Variants in EPM2A observed in about 807,000 individuals in gnomAD.
EPM2A encodes EPM2A glucan phosphatase, laforin, also known as laforin.
In EPM2A, 21 loss-of-function variants were observed where a neutral mutation model predicts 26.5. That is an observed-to-expected ratio of 0.79 (90% CI 0.56 to 1.14). The LOEUF is 1.14. Among genes scored for constraint, EPM2A ranks in the 50% most tolerant of loss-of-function variants. The probability of loss-of-function intolerance (pLI) is 0.00; values close to 1 mark genes in which losing one functional copy is unlikely to be tolerated. For missense variants in EPM2A, 458 were observed against 440.8 expected (o/e 1.04, Z -0.35); for synonymous variants, 217 against 177.6 (o/e 1.22, Z -1.76).
At chr6:145,735,613 G>C, upstream of EPM2A, 2 of 1,081,322 alleles carry the variant, frequency 1.8e-6, no homozygotes, top group Non-Finnish European at 2.2e-6. Flanking sequence ...CCGGGCACCG[G>C]GGAGAACACG....
At chr6:145,609,248 A>G (rs1775338892) in intron 2 of EPM2A, among the ~76,000 whole-genome samples, 1 of 152,234 alleles carries the variant, frequency 6.6e-6, no homozygotes, top group African/African-American at 2.4e-5. Flanking sequence ...AATATACCTA[A>G]TCTAACATGG....
intron 4 of EPM2A, among the ~76,000 whole-genome samples, chr6:145,453,641 CA>C: frequency 6.6e-6 from 1 of 152,316 alleles, no homozygotes; most frequent in Middle Eastern, 3.4e-3. Flanking sequence ...TTAATTCCCT[CA>C]CTGTGTCTGC....
At chr6:145,493,590 C>G (rs956646229) in intron 4 of EPM2A, among the ~76,000 whole-genome samples, 5 of 152,156 alleles carry the variant, frequency 3.3e-5, no homozygotes, top group African/African-American at 4.8e-5. Context: ...GTGCTTATAG[C>G]TTTTGCCCAT....
chr6:145,697,587 G>A (rs879787148), intron 1 of EPM2A, among the ~76,000 whole-genome samples: 9 of 152,094 alleles, frequency 5.9e-5, no homozygotes, highest in African/African-American at 1.9e-4. Flanking sequence ...CCTACGGCTC[G>A]ACCATAAAAG....
chr6:145,401,818 A>G (rs567550405), intron 4 of EPM2A, among the ~76,000 whole-genome samples: 8 of 152,254 alleles, frequency 5.3e-5, no homozygotes, highest in African/African-American at 1.9e-4. Flanking sequence ...AGCCGCCTCA[A>G]GTGGCTAAAT....
At chr6:145,573,479 G>A (rs1026922463) in intron 2 of EPM2A, among the ~76,000 whole-genome samples, 1 of 152,218 alleles carries the variant, frequency 6.6e-6, no homozygotes, top group African/African-American at 2.4e-5. Flanking sequence ...ATAATCCACT[G>A]TCGTTCTTCA....
At chr6:145,398,638 T>G (rs1176633963) in intron 4 of EPM2A, among the ~76,000 whole-genome samples, 2 of 152,002 alleles carry the variant, frequency 1.3e-5, no homozygotes, top group Non-Finnish European at 2.9e-5. Context: ...GGCGGGCAGA[T>G]CACTTGAAGT....
chr6:145,635,366 T>C lies in EPM2A; in HGVS notation c.597A>G (p.Val199=). The C allele has an allele frequency of 1.2e-6, 2 of 1,614,178 alleles. No homozygotes were observed. Among genetic ancestry groups the C allele is most frequent in the Non-Finnish European group, 1.7e-6 (2 of 1,180,022 alleles). The part of the protein sequence containing the change: ...VMNFQTEWDI[V]QNSSGCNRYP... ...AGCGGTTACAGCCTGAGGAATTCTG[T>C]ACAATATCCCATTCAGTCTGGAAAT... is the stretch of plus-strand genomic sequence containing the variant. The change falls in exon 3 of 4, where the codon GTA becomes GTG. Residue 199 remains valine, a synonymous_variant. Transcript: ENST00000367519.
chr6:145,491,183 T>C (rs1562356204), intron 4 of EPM2A: 2 of 483,166 alleles, frequency 4.1e-6, no homozygotes, highest in East Asian at 4.9e-5. Flanking sequence ...GCTTTCATAA[T>C]GAAGCAGGAA....
At chr6:145,479,753 ATTC>A (rs1182191646) in intron 4 of EPM2A, among the ~76,000 whole-genome samples, 1 of 151,976 alleles carries the variant, frequency 6.6e-6, no homozygotes. Flanking sequence ...CCTGTTTTCA[ATTC>A]TTCTGGGTAC....
At chr6:145,645,391 C>T (rs1438424403) in intron 2 of EPM2A, among the ~76,000 whole-genome samples, 1 of 152,076 alleles carries the variant, frequency 6.6e-6, no homozygotes, top group Non-Finnish European at 1.5e-5. Context: ...ACTGTAGCCT[C>T]GAATTCCTGG....
At chr6:145,446,060 A>G (rs1356465856) in intron 4 of EPM2A, among the ~76,000 whole-genome samples, 1 of 152,220 alleles carries the variant, frequency 6.6e-6, no homozygotes, top group Non-Finnish European at 1.5e-5. Flanking sequence ...TTAACAGCCC[A>G]AGCTGAGCCA....
At chr6:145,731,517 A>T (rs1172137363) in intron 1 of EPM2A, among the ~76,000 whole-genome samples, 1 of 152,202 alleles carries the variant, frequency 6.6e-6, no homozygotes, top group Non-Finnish European at 1.5e-5. Context: ...ACTAATGAGA[A>T]CACAGGAAAA....
intron 2 of EPM2A, among the ~76,000 whole-genome samples, chr6:145,666,006 G>A (rs953363067): frequency 2.7e-5 from 4 of 146,510 alleles, no homozygotes; most frequent in Non-Finnish European, 6.0e-5. Flanking sequence ...GTATTGATGG[G>A]ACGTATTTCA....
chr6:145,626,968 C>T lies in EPM2A; in HGVS notation c.*448G>A, dbSNP rs1775853885. The T allele has an allele frequency of 5.8e-6, 6 of 1,042,258 alleles. No homozygotes were observed. The South Asian group carries it at 1.7e-4, about 30-fold the overall frequency. 64.6% of individuals were successfully genotyped at this position (1,042,258 alleles called of 1,614,324 possible). A position where few individuals can be genotyped will look rare whatever the true frequency, so the allele number is the denominator to read the frequency against. On this transcript the variant is annotated 3_prime_UTR_variant, in exon 4 of 4. Transcript: ENST00000367519. ...CGGTTCAGGCTTCTAACCTTATTTC[C>T]TCCTTTGGCAACTGACCAGCTCACG...
chr6:145,437,590 T>C (rs1173678275), intron 4 of EPM2A, among the ~76,000 whole-genome samples: 1 of 152,234 alleles, frequency 6.6e-6, no homozygotes, highest in Non-Finnish European at 1.5e-5. Flanking sequence ...TTATTTTGGC[T>C]GCTCACCTAG....
intron 1 of EPM2A, among the ~76,000 whole-genome samples, chr6:145,710,181 A>T (rs1204127218): frequency 6.6e-6 from 1 of 152,136 alleles, no homozygotes; most frequent in Non-Finnish European, 1.5e-5. Context: ...TGAACAGGCA[A>T]CCTACAGAAT....
At chr6:145,684,384 C>T (rs1780765008) in intron 2 of EPM2A, among the ~76,000 whole-genome samples, 1 of 152,114 alleles carries the variant, frequency 6.6e-6, no homozygotes, top group African/African-American at 2.4e-5. Flanking sequence ...AGGGTTCATT[C>T]AGGAAATGTG....
intron 4 of EPM2A, among the ~76,000 whole-genome samples, chr6:145,419,190 C>A (rs564698452): frequency 1.9e-4 from 28 of 149,104 alleles, no homozygotes; most frequent in African/African-American, 6.8e-4. Context: ...TCCCCCCCCC[C>A]CGCTCCTTTC....
Sources: allele counts gnomAD v4.1 joint callset (sites outside exome capture counted in the v4.1 genomes callset), GRCh38; gene constraint gnomAD v4.1.1; transcripts MANE v1.5; gene names NCBI Gene and HGNC (gene_info 2026-07-23, HGNC 2026-07-21).